Variants in SEM1 observed in about 807,000 individuals in gnomAD.
The protein encoded by SEM1 is 26S proteasome complex subunit SEM1.
A neutral mutation model predicts 12.7 loss-of-function variants in SEM1; 3 were observed. The ratio of observed to expected loss-of-function variants is 0.24; its 90% CI spans 0.11 to 0.61. SEM1 has a LOEUF of 0.61. SEM1 is among the 20% of genes least tolerant of loss of function. SEM1 has a pLI of 0.88. For missense variants in SEM1, 59 were observed against 81.3 expected, an observed-to-expected ratio of 0.73 and a Z score of 1.06; for synonymous variants, 30 against 27.8, an observed-to-expected ratio of 1.08 and a Z score of -0.25.
chr7:96,698,748 T>C (rs1054505575), intron 1 of SEM1, among the ~76,000 whole-genome samples: 2 of 152,196 alleles, frequency 1.3e-5, no homozygotes, highest in Non-Finnish European at 2.9e-5. Context: ...GTCTTTATAG[T>C]AGAATGATTT....
At chr7:96,681,760 C>G (rs1210435960) in intron 2 of SEM1, among the ~76,000 whole-genome samples, 1 of 152,076 alleles carries the variant, frequency 6.6e-6, no homozygotes, top group African/African-American at 2.4e-5. Flanking sequence ...GTTTTGGTAC[C>G]AGTACCATGC....
chr7:96,602,273 T>C (rs1003205099), intron 2 of SEM1, among the ~76,000 whole-genome samples: 18 of 152,168 alleles, frequency 1.2e-4, no homozygotes, highest in African/African-American at 4.3e-4. Flanking sequence ...TGTTAAGAAA[T>C]TTGGAAAATA....
chr7:96,493,412 A>G (rs1803107329), intron 1 of SEM1, among the ~76,000 whole-genome samples: 1 of 152,166 alleles, frequency 6.6e-6, no homozygotes, highest in Non-Finnish European at 1.5e-5. Flanking sequence ...CTTGAGATCA[A>G]GATGTCACCT....
At chr7:96,605,681 T>A (rs1014355942) in intron 2 of SEM1, among the ~76,000 whole-genome samples, 3 of 152,146 alleles carry the variant, frequency 2.0e-5, no homozygotes, top group Non-Finnish European at 4.4e-5. Flanking sequence ...TTTTTTTTTC[T>A]CTTGAAATAG....
chr7:96,665,112 C>T (rs1177055175), intron 2 of SEM1, among the ~76,000 whole-genome samples: 1 of 152,144 alleles, frequency 6.6e-6, no homozygotes, highest in Non-Finnish European at 1.5e-5. Flanking sequence ...ACTGGTTTCT[C>T]ATCTTCCCAC....
chr7:96,583,601 G>T (rs1419864714), intron 2 of SEM1, among the ~76,000 whole-genome samples: 2 of 149,892 alleles, frequency 1.3e-5, no homozygotes, highest in East Asian at 2.0e-4. Context: ...TAACGTGTGG[G>T]AGTTTAAGTC....
At chr7:96,508,739 A>G (rs1803834138) in intron 2 of SEM1, among the ~76,000 whole-genome samples, 1 of 152,184 alleles carries the variant, frequency 6.6e-6, no homozygotes, top group Middle Eastern at 3.2e-3. Context: ...AATACAATAT[A>G]GAATGTGGTC....
chr7:96,604,650 G>A (rs552036510), intron 2 of SEM1, among the ~76,000 whole-genome samples: 1 of 152,148 alleles, frequency 6.6e-6, no homozygotes, highest in South Asian at 2.1e-4. Context: ...CGGGTGTGGT[G>A]GCTCATGCCT....
intron 2 of SEM1, among the ~76,000 whole-genome samples, chr7:96,527,907 T>C (rs1486812120): frequency 6.6e-6 from 1 of 152,122 alleles, no homozygotes; most frequent in Non-Finnish European, 1.5e-5. Context: ...TTGGAAATAA[T>C]TAAAATCTAC....
At chr7:96,606,275 C>G (rs2116216197) in intron 2 of SEM1, among the ~76,000 whole-genome samples, 1 of 152,234 alleles carries the variant, frequency 6.6e-6, no homozygotes, top group South Asian at 2.1e-4. Context: ...TAAATAGAAG[C>G]CTACTCAAGC....
chr7:96,670,542 C>A (rs1169244216), downstream of SEM1, among the ~76,000 whole-genome samples: 1 of 152,096 alleles, frequency 6.6e-6, no homozygotes, highest in East Asian at 1.9e-4. Context: ...GTGGTGTAAT[C>A]AAATACAAAA....
At chr7:96,628,073 T>C (rs1198770296) in intron 2 of SEM1, among the ~76,000 whole-genome samples, 1 of 152,032 alleles carries the variant, frequency 6.6e-6, no homozygotes, top group Non-Finnish European at 1.5e-5. Context: ...TTTTGTCTGA[T>C]ATAACTATTC....
chr7:96,488,996 A>G (rs114493361), intron 1 of SEM1, among the ~76,000 whole-genome samples: 1 of 152,096 alleles, frequency 6.6e-6, no homozygotes, highest in Non-Finnish European at 1.5e-5. Flanking sequence ...CTTAATGTAG[A>G]GTCTGGGTGG....
intron 2 of SEM1, among the ~76,000 whole-genome samples, chr7:96,508,199 A>G (rs1203627148): frequency 6.6e-6 from 1 of 152,146 alleles, no homozygotes; most frequent in Admixed American, 6.6e-5. Flanking sequence ...AGAGCTGCTT[A>G]GAAATGGAAG....
intron 2 of SEM1, among the ~76,000 whole-genome samples, chr7:96,594,709 A>G (rs1806941088): frequency 6.6e-6 from 1 of 152,162 alleles, no homozygotes; most frequent in Non-Finnish European, 1.5e-5. Flanking sequence ...AACAAGTGAG[A>G]ATTTCTTTTC....
At chr7:96,481,917 T>G (rs1802558098) in exon 4 of SEM1, 1 of 152,140 alleles carries the variant, frequency 6.6e-6, no homozygotes, top group African/African-American at 2.4e-5. Flanking sequence ...CATCTGCAAC[T>G]TTTCTGAATA....
chr7:96,615,255 T>TTTTTTC, intron 2 of SEM1, among the ~76,000 whole-genome samples: 2 of 65,620 alleles, frequency 3.0e-5, no homozygotes, highest in Non-Finnish European at 6.5e-5. Context: ...TTTTTTTTTT[T>TTTTTTC]TTTTTTTTTT....
intron 2 of SEM1, among the ~76,000 whole-genome samples, chr7:96,588,524 A>T (rs1806729646): frequency 6.6e-6 from 1 of 152,192 alleles, no homozygotes; most frequent in Non-Finnish European, 1.5e-5. Flanking sequence ...TCATAATGAT[A>T]GAAGTACCAC....
intron 2 of SEM1, among the ~76,000 whole-genome samples, chr7:96,515,534 C>T (rs1315994860): frequency 6.6e-6 from 1 of 152,000 alleles, no homozygotes; most frequent in Non-Finnish European, 1.5e-5. Context: ...GGGTATATAC[C>T]CAAAGGATTA....
Sources: gnomAD v4.1 joint callset for allele counts (sites outside exome capture counted in the v4.1 genomes callset) on GRCh38, gnomAD v4.1.1 for gene constraint, MANE v1.5 for transcripts, NCBI Gene and HGNC (gene_info 2026-07-23, HGNC 2026-07-21) for gene names.